NTNG1: variants seen among roughly 807,000 people sequenced by gnomAD.
The protein encoded by NTNG1 is netrin-G1.
NTNG1 carries 16 observed loss-of-function variants against 54.0 expected under a neutral mutation model. The ratio of observed to expected loss-of-function variants is 0.30; its 90% CI spans 0.20 to 0.45. The LOEUF (loss-of-function observed/expected upper bound fraction) is 0.45. Among genes scored for constraint, NTNG1 ranks in the 20% least tolerant of loss-of-function variants. The pLI is 1.00. For synonymous variants in NTNG1, 255 were observed against 263.1 expected, an observed-to-expected ratio of 0.97 and a Z score of 0.30; for missense variants, 530 against 678.7, an observed-to-expected ratio of 0.78 and a Z score of 2.43.
chr1:107,262,874 G>A (rs897742612), intron 2 of NTNG1, among the ~76,000 whole-genome samples: 6 of 152,244 alleles, frequency 3.9e-5, no homozygotes, highest in African/African-American at 1.4e-4. Flanking sequence ...ACACTTTTTC[G>A]CTGGTGCACA....
chr1:107,416,242 T>C (rs922385208), intron 5 of NTNG1, among the ~76,000 whole-genome samples: 3 of 152,122 alleles, frequency 2.0e-5, no homozygotes, highest in African/African-American at 2.4e-5. Context: ...GATTTTCATA[T>C]GATGGCTGCT....
intron 3 of NTNG1, among the ~76,000 whole-genome samples, chr1:107,383,225 G>A (rs955292276): frequency 6.6e-6 from 1 of 152,200 alleles, no homozygotes; most frequent in Non-Finnish European, 1.5e-5. Context: ...AATCTAGCCT[G>A]ATAGAAGAGG....
At chr1:107,224,417 GC>G (rs1197609343) in intron 2 of NTNG1, among the ~76,000 whole-genome samples, 1 of 152,114 alleles carries the variant, frequency 6.6e-6, no homozygotes, top group Non-Finnish European at 1.5e-5. Context: ...ACACTCGAGG[GC>G]ATTGGTCACT....
chr1:107,153,460 A>G (rs1269724387), intron 2 of NTNG1, among the ~76,000 whole-genome samples: 1 of 152,206 alleles, frequency 6.6e-6, no homozygotes, highest in Non-Finnish European at 1.5e-5. Flanking sequence ...TAACAGTGAC[A>G]CCTTTCATTT....
chr1:107,219,134 A>G (rs1351854732), intron 2 of NTNG1, among the ~76,000 whole-genome samples: 7 of 124,248 alleles, frequency 5.6e-5, no homozygotes, highest in Non-Finnish European at 8.6e-5. Context: ...TTTGTCTTTA[A>G]TAGATCAGGT....
intron 2 of NTNG1, among the ~76,000 whole-genome samples, chr1:107,292,100 A>G (rs1020392958): frequency 6.6e-6 from 1 of 152,192 alleles, no homozygotes; most frequent in African/African-American, 2.4e-5. Context: ...CTTAAAATGC[A>G]GATAAAAACA....
At chr1:107,413,701 G>A (rs2101185954) in intron 5 of NTNG1, among the ~76,000 whole-genome samples, 1 of 152,154 alleles carries the variant, frequency 6.6e-6, no homozygotes, top group African/African-American at 2.4e-5. Context: ...AGTGTTGTTA[G>A]GAAACTTAAT....
At chr1:107,426,177 A>G (rs1467333983) in intron 5 of NTNG1, among the ~76,000 whole-genome samples, 1 of 152,046 alleles carries the variant, frequency 6.6e-6, no homozygotes, top group Non-Finnish European at 1.5e-5. Flanking sequence ...TTTTTAGTTT[A>G]AGTCCCATTT....
upstream of NTNG1, chr1:107,140,133 G>C (rs1028177277): frequency 6.5e-6 from 1 of 154,602 alleles, no homozygotes; most frequent in Non-Finnish European, 1.4e-5. Context: ...TGCAGCCGGA[G>C]CAGCACCAGC....
Position 107,480,963 on chromosome 1 carries a change from A to C in NTNG1, c.*123A>C, listed in dbSNP as rs1156632754. Reference sequence around the variant, plus strand: ...CCCCCACTCAGACAGTGTACAAACTAAGAAGGCCTAACTGAACTAAGCCAT... The same window carrying C: ...CCCCCACTCAGACAGTGTACAAACTCAGAAGGCCTAACTGAACTAAGCCAT... On this transcript the variant is annotated 3_prime_UTR_variant, in exon 8 of 8. Transcript: ENST00000370068. 1 of 710,984 alleles carries C rather than the reference A, an allele frequency of 1.4e-6. No homozygotes were observed. Among genetic ancestry groups the C allele is most frequent in the East Asian group, 2.7e-5 (1 of 36,618 alleles). 44.0% of individuals were successfully genotyped at this position (710,984 alleles called of 1,614,324 possible). A position where few individuals can be genotyped will look rare whatever the true frequency, so the allele number is the denominator to read the frequency against.
At chr1:107,433,866 T>A (rs2101354611) in intron 6 of NTNG1, among the ~76,000 whole-genome samples, 1 of 152,336 alleles carries the variant, frequency 6.6e-6, no homozygotes, top group South Asian at 2.1e-4. Flanking sequence ...CTGGCTCCTT[T>A]GCTAAGGTTT....
At chr1:107,221,307 C>A (rs1238336372) in intron 2 of NTNG1, among the ~76,000 whole-genome samples, 1 of 152,090 alleles carries the variant, frequency 6.6e-6, no homozygotes, top group Non-Finnish European at 1.5e-5. Flanking sequence ...CTTCAGCCCA[C>A]AAGGAGACCA....
At chr1:107,404,922 A>G (rs1673307656) in intron 4 of NTNG1, among the ~76,000 whole-genome samples, 1 of 152,176 alleles carries the variant, frequency 6.6e-6, no homozygotes, top group Non-Finnish European at 1.5e-5. Flanking sequence ...CAGTTTTCCT[A>G]AGCACAGTCT....
intron 7 of NTNG1, among the ~76,000 whole-genome samples, chr1:107,473,122 A>C (rs1320829001): frequency 6.6e-6 from 1 of 152,214 alleles, no homozygotes; most frequent in Non-Finnish European, 1.5e-5. Flanking sequence ...TGGTAAAGGT[A>C]GAGGTCACTT....
intron 2 of NTNG1, among the ~76,000 whole-genome samples, chr1:107,169,432 G>A (rs1570752826): frequency 6.6e-6 from 1 of 152,040 alleles, no homozygotes; most frequent in East Asian, 1.9e-4. Flanking sequence ...CCTAAATAGT[G>A]TACATTAGAT....
chr1:107,423,493 G>T (rs892682782), intron 5 of NTNG1, among the ~76,000 whole-genome samples: 2 of 152,054 alleles, frequency 1.3e-5, no homozygotes, highest in African/African-American at 4.8e-5. Flanking sequence ...CTGAAGGCCT[G>T]GATCGCATTC....
chr1:107,261,608 C>T (rs1663333436), intron 2 of NTNG1, among the ~76,000 whole-genome samples: 1 of 152,208 alleles, frequency 6.6e-6, no homozygotes, highest in South Asian at 2.1e-4. Context: ...CTTTGGGAGG[C>T]CGAGGCGGGC....
At chr1:107,413,139 T>G (rs1010717746) in intron 5 of NTNG1, among the ~76,000 whole-genome samples, 6 of 137,840 alleles carry the variant, frequency 4.4e-5, no homozygotes, top group African/African-American at 1.6e-4. Flanking sequence ...TTTTCTGTTT[T>G]TTGTTTTGTT....
At chr1:107,472,488 C>G (rs1055238925) in intron 7 of NTNG1, among the ~76,000 whole-genome samples, 1 of 152,258 alleles carries the variant, frequency 6.6e-6, no homozygotes. Flanking sequence ...TCTGGCTTAC[C>G]AAAATATGGC....
Sources: gnomAD v4.1 joint callset for allele counts (sites outside exome capture counted in the v4.1 genomes callset) on GRCh38, gnomAD v4.1.1 for gene constraint, MANE v1.5 for transcripts, NCBI Gene and HGNC (gene_info 2026-07-23, HGNC 2026-07-21) for gene names.